SPAG17: variants seen among roughly 807,000 people sequenced by gnomAD.
SPAG17 encodes the protein sperm associated antigen 17, also known as sperm-associated antigen 17.
A neutral mutation model predicts 273.6 loss-of-function variants in SPAG17; 169 were observed. The ratio of observed to expected loss-of-function variants is 0.62; its 90% CI spans 0.55 to 0.70. The LOEUF is 0.70. Ranked by LOEUF, SPAG17 falls within the 30% of genes least tolerant of loss-of-function variation. The pLI is 0.00. For missense variants in SPAG17, 2,557 were observed against 2,627.8 expected, an observed-to-expected ratio of 0.97 and a Z score of 0.59; for synonymous variants, 825 against 873.2, an observed-to-expected ratio of 0.94 and a Z score of 0.97.
chr1:118,042,100 A>G (rs1649836146), intron 20 of SPAG17, 58 bp from the exon 21 acceptor site: 1 of 1,555,304 alleles, frequency 6.4e-7, no homozygotes, highest in Admixed American at 2.1e-5. Context: ...CATAGGTTCC[A>G]TTCAGGTTCA....
intron 20 of SPAG17, among the ~76,000 whole-genome samples, chr1:118,046,354 T>A (rs1650352584): frequency 6.6e-6 from 1 of 151,694 alleles, no homozygotes; most frequent in Non-Finnish European, 1.5e-5. Context: ...AAAAATAAAA[T>A]ATAAATAAAT....
intron 48 of SPAG17, chr1:117,959,480 TTTTTCC>T: frequency 1.3e-6 from 2 of 1,548,536 alleles, no homozygotes; most frequent in Non-Finnish European, 1.7e-6. Context: ...TTTTTTCAAC[TTTTTCC>T]TTTAAAGGAC....
rs79812708 is a variant in SPAG17 at position 118,077,093 on chromosome 1, T to C, written c.2210-2493A>G. ...TCCAGGAAAAGGCTTTTATATGTAT[T>C]TGATGCTAAAATGGTTGTGCAGGAA... On this transcript the variant is annotated intron_variant, in intron 15 of 48. Transcript: ENST00000336338. Among the ~76,000 whole-genome samples the C allele has an allele frequency of 7.2e-3, 1,092 of 152,284 alleles. 14 individuals carry two copies. The highest frequency in any genetic ancestry group is 0.025 in the African/African-American group (1,028 of 41,552).
chr1:118,039,216 C>T, intron 23 of SPAG17, 76 bp downstream of exon 23: 1 of 1,424,174 alleles, frequency 7.0e-7, no homozygotes, highest in Non-Finnish European at 9.6e-7. Flanking sequence ...TGCAATAAGC[C>T]ATTCATTTAA....
chr1:118,057,592 A>C (rs544288629), intron 18 of SPAG17, among the ~76,000 whole-genome samples: 12 of 152,226 alleles, frequency 7.9e-5, no homozygotes, highest in African/African-American at 2.9e-4. Flanking sequence ...TATCACACAT[A>C]GGTACTTTCT....
intron 18 of SPAG17, among the ~76,000 whole-genome samples, chr1:118,057,431 C>T (rs192679816): frequency 3.3e-5 from 5 of 152,212 alleles, no homozygotes; most frequent in Admixed American, 6.5e-5. Flanking sequence ...TTCCTCTGCT[C>T]AGACCTTTTT....
intron 3 of SPAG17, among the ~76,000 whole-genome samples, chr1:118,118,908 T>C (rs1447271801): frequency 6.6e-6 from 1 of 152,240 alleles, no homozygotes; most frequent in Non-Finnish European, 1.5e-5. Flanking sequence ...ATATTTACTA[T>C]CTAATGATTT....
intron 2 of SPAG17, 149 bp downstream of exon 2, chr1:118,151,080 C>T: frequency 1.6e-6 from 1 of 618,532 alleles, no homozygotes; most frequent in Non-Finnish European, 2.4e-6. Context: ...TTGAACAACT[C>T]AAATTTATTC....
intron 20 of SPAG17, among the ~76,000 whole-genome samples, chr1:118,046,608 C>CT (rs1419291735): frequency 6.6e-6 from 1 of 151,990 alleles, no homozygotes; most frequent in Non-Finnish European, 1.5e-5. Context: ...ACATATTAAA[C>CT]TTTTCCTATA....
rs532257474 is a variant in SPAG17 at position 117,953,940 on chromosome 1, C to G, written c.*110G>C. 7.3e-7 allele frequency: 1 copy of G among 1,362,622 alleles called. No individual in the cohort carries two copies. The highest frequency in any genetic ancestry group is 1.5e-5 in the African/African-American group (1 of 67,892). 84.4% of individuals were successfully genotyped at this position (1,362,622 alleles called of 1,614,324 possible). ...TTTGGCAAATTTCTGGTCAGTTCTT[C>G]CAGTTTCAGTGTCCTGGGATGATGG... On this transcript the variant is annotated 3_prime_UTR_variant, in exon 49 of 49. Transcript: ENST00000336338.
At chr1:117,967,327 A>G (rs1653992402) in intron 46 of SPAG17, among the ~76,000 whole-genome samples, 1 of 151,602 alleles carries the variant, frequency 6.6e-6, no homozygotes, top group Non-Finnish European at 1.5e-5. Context: ...AAATTCATCT[A>G]ACAGACTTGG....
intron 12 of SPAG17, among the ~76,000 whole-genome samples, chr1:118,086,330 C>A (rs547257935): frequency 2.3e-4 from 35 of 152,328 alleles, no homozygotes; most frequent in Middle Eastern, 3.4e-3. Flanking sequence ...CATATATATT[C>A]ATCTCTCTCT....
chr1:117,962,334 A>C (rs1653209805), intron 48 of SPAG17: 1 of 152,220 alleles, frequency 6.6e-6, no homozygotes, highest in African/African-American at 2.4e-5. Context: ...GCAAATTTCT[A>C]GTCATTAAGT....
At position 118,086,894 on chromosome 1, in the gene SPAG17, A is replaced by C. The variant is rs1227296864; in HGVS notation, c.1474T>G (p.Cys492Gly). 3.1e-6 allele frequency: 5 copies of C among 1,613,970 alleles called. No individual in the cohort carries two copies. Among genetic ancestry groups the C allele is most frequent in the Non-Finnish European group, 4.2e-6 (5 of 1,179,998 alleles). The change falls in exon 11 of 49, where the codon TGT (cysteine) becomes GGT (glycine). Residue 492 changes from cysteine to glycine, a missense_variant. Cys to Gly is a radical substitution (Grantham distance 159). Coordinates refer to ENST00000336338, the MANE Select transcript of SPAG17 (RefSeq NM_206996.4). The part of the protein sequence containing the change: ...AHIVSLLPSL[C>G]LSEREKKNLH... The stretch of plus-strand genomic sequence containing the variant: ...ACCTTTTTCTCCCTCTCTGAGAGAC[A>C]GAGTGAGGGCAGAAGGGACACAATG...
rs1470885211 is a variant in SPAG17 at position 118,150,608 on chromosome 1, C to A, written c.250G>T (p.Val84Phe). Reference protein sequence around the residue: ...LQQINEINTLVGSASSKKAKK... With the variant: ...LQQINEINTLFGSASSKKAKK... ...GCCTTTTTAGATGAAGCAGATCCAA[C>A]AAGTGTATTTATTTCATTAATCTGT... is the stretch of plus-strand genomic sequence containing the variant. The change falls in exon 3 of 49, where the codon GTT becomes TTT. Residue 84 changes from valine to phenylalanine, a missense_variant. Val to Phe is a conservative substitution (Grantham distance 50). Coordinates refer to ENST00000336338, the MANE Select transcript of SPAG17 (RefSeq NM_206996.4). 1 of 1,561,548 alleles carries A rather than the reference C, an allele frequency of 6.4e-7. No individual in the cohort carries two copies. The highest frequency in any genetic ancestry group is 1.8e-5 in the Admixed American group (1 of 56,754).
chr1:118,031,818 G>A lies in SPAG17; in HGVS notation c.3483C>T (p.Leu1161=), dbSNP rs779206451. Residue 1161 remains leucine, a synonymous_variant, in exon 25 of 49, where the codon CTC becomes CTT. Coordinates refer to ENST00000336338, the MANE Select transcript of SPAG17 (RefSeq NM_206996.4). Reference sequence around the variant, plus strand: ...CTATAACAGGAACCACTGTTGGAGTGAGTGCTGAAGGGATATTCAATATTG... The same window carrying A: ...CTATAACAGGAACCACTGTTGGAGTAAGTGCTGAAGGGATATTCAATATTG... ...LETILNIPSA[L]TPTVVPVIVT... is the part of the protein sequence containing the mutation. 5.0e-6 allele frequency: 8 copies of A among 1,612,622 alleles called. No homozygotes were observed. Among genetic ancestry groups the A allele is most frequent in the Non-Finnish European group, 8.5e-7 (1 of 1,179,236 alleles).
Position 118,152,247 on chromosome 1 carries a change from T to C in SPAG17, c.88-878A>G, listed in dbSNP as rs544494660. Among the ~76,000 whole-genome samples the C allele has an allele frequency of 7.9e-5, 12 of 152,218 alleles. No individual in the cohort carries two copies. In the South Asian group the frequency reaches 2.3e-3, roughly 29 times the overall value. The stretch of plus-strand genomic sequence containing the variant: ...CTCTGGGGCTTAGTTTCCCCATTCA[T>C]AAAATAAAGGGGTTGGACAGGGCAA... On this transcript the variant is annotated intron_variant, in intron 1 of 48. Transcript: ENST00000336338.
At chr1:118,045,384 A>T (rs1215843764) in intron 20 of SPAG17, among the ~76,000 whole-genome samples, 1 of 152,198 alleles carries the variant, frequency 6.6e-6, no homozygotes, top group African/African-American at 2.4e-5. Flanking sequence ...AACCTCCGTA[A>T]AAACCTCTAA....
intron 40 of SPAG17, among the ~76,000 whole-genome samples, chr1:117,986,137 G>A (rs1403608661): frequency 2.6e-5 from 4 of 152,156 alleles, no homozygotes; most frequent in African/African-American, 9.7e-5. Flanking sequence ...TAGTTGACCT[G>A]TCTGGAAATA....
Sources: gnomAD v4.1 joint callset for allele counts (sites outside exome capture counted in the v4.1 genomes callset) on GRCh38, gnomAD v4.1.1 for gene constraint, MANE v1.5 for transcripts, NCBI Gene and HGNC (gene_info 2026-07-23, HGNC 2026-07-21) for gene names.